GLIS3: variants seen among roughly 807,000 people sequenced by gnomAD.
The protein encoded by GLIS3 is zinc finger protein GLIS3.
GLIS3 carries 53 observed loss-of-function variants against 78.6 expected under a neutral mutation model. The observed-to-expected ratio is 0.67, with a 90% CI of 0.54 to 0.85. GLIS3 has a LOEUF of 0.85. GLIS3 is among the 40% of genes least tolerant of loss of function. The pLI is 0.00. For synonymous variants in GLIS3, 684 were observed against 509.9 expected, an observed-to-expected ratio of 1.34 and a Z score of -4.60; for missense variants, 1,703 against 1,231.1, an observed-to-expected ratio of 1.38 and a Z score of -5.74.
At chr9:3,938,179 G>A (rs528298196) in intron 4 of GLIS3, among the ~76,000 whole-genome samples, 25 of 152,298 alleles carry the variant, frequency 1.6e-4, no homozygotes, top group African/African-American at 5.8e-4. Flanking sequence ...GAATAGTTAT[G>A]TTACTTAGAC....
At chr9:4,034,463 T>C (rs1043276847) in intron 4 of GLIS3, 4 of 152,190 alleles carry the variant, frequency 2.6e-5, no homozygotes, top group Non-Finnish European at 1.5e-5. Context: ...AAGGAGAGAA[T>C]TTCCCAGTAA....
intron 4 of GLIS3, among the ~76,000 whole-genome samples, chr9:4,077,426 G>C (rs539126854): frequency 6.6e-6 from 1 of 152,158 alleles, no homozygotes; most frequent in Non-Finnish European, 1.5e-5. Context: ...GAGAGGGACT[G>C]GGCATAGTTG....
At chr9:4,349,560 A>G (rs1817937100), upstream of GLIS3, among the ~76,000 whole-genome samples, 1 of 152,174 alleles carries the variant, frequency 6.6e-6, no homozygotes, top group Admixed American at 6.5e-5. Context: ...AAAGGAAAAA[A>G]ATACCTAACA....
intron 4 of GLIS3, among the ~76,000 whole-genome samples, chr9:4,108,133 G>T (rs1266784537): frequency 2.0e-5 from 3 of 152,194 alleles, no homozygotes; most frequent in African/African-American, 7.2e-5. Context: ...GAGAATTAAA[G>T]TAATATAGTA....
intron 2 of GLIS3, among the ~76,000 whole-genome samples, chr9:4,135,353 C>CTAATT (rs1833327255): frequency 6.6e-6 from 1 of 152,128 alleles, no homozygotes; most frequent in South Asian, 2.1e-4. Context: ...GTAATGAACT[C>CTAATT]TAACAGGTGA....
At chr9:4,475,156 G>A in the GLIS3 span, among the ~76,000 whole-genome samples, 1 of 151,940 alleles carries the variant, frequency 6.6e-6, no homozygotes, top group South Asian at 2.1e-4. Flanking sequence ...ACCGCACCTG[G>A]CCAAAATTTT....
chr9:4,047,429 T>C (rs1472847756), intron 4 of GLIS3, among the ~76,000 whole-genome samples: 1 of 152,186 alleles, frequency 6.6e-6, no homozygotes, highest in Non-Finnish European at 1.5e-5. Context: ...TTTATTTTTA[T>C]ATTACTTTTT....
chr9:4,425,873 TTCTGAC>T, the GLIS3 span, among the ~76,000 whole-genome samples: 1 of 152,146 alleles, frequency 6.6e-6, no homozygotes, highest in Admixed American at 6.5e-5. Context: ...AAACTCTCAG[TTCTGAC>T]TTTTGCACAA....
rs147336073 is a variant in GLIS3, at chr9:3,889,347, G to A, written c.2128+9344C>T. On this transcript the variant is annotated intron_variant, in intron 7 of 10. Transcript: ENST00000381971. ...CACTACTTTTGGGGTTCCATAGAGT[G>A]CCCTGGGAGACCTATGAGTATTGGA... is the stretch of plus-strand genomic sequence containing the variant. Among the ~76,000 whole-genome samples the A allele has an allele frequency of 5.2e-4, 79 of 152,280 alleles. 1 individual carries two copies. In the East Asian group the frequency reaches 0.014, roughly 28 times the overall value.
intron 4 of GLIS3, among the ~76,000 whole-genome samples, chr9:4,036,720 A>G (rs936270160): frequency 6.6e-6 from 1 of 152,142 alleles, no homozygotes; most frequent in African/African-American, 2.4e-5. Context: ...TCCCAAATTA[A>G]TTCCCACCAT....
At chr9:4,431,388 G>C in the GLIS3 span, among the ~76,000 whole-genome samples, 1 of 152,204 alleles carries the variant, frequency 6.6e-6, no homozygotes, top group Non-Finnish European at 1.5e-5. Flanking sequence ...TGTATTAACA[G>C]AATAAAAACT....
intron 4 of GLIS3, among the ~76,000 whole-genome samples, chr9:4,005,697 T>C (rs1043601669): frequency 6.6e-6 from 1 of 152,170 alleles, no homozygotes; most frequent in East Asian, 1.9e-4. Flanking sequence ...ATATCAAACA[T>C]TGTAATAGCA....
At chr9:3,881,893 G>T (rs1440932692) in intron 7 of GLIS3, among the ~76,000 whole-genome samples, 1 of 152,228 alleles carries the variant, frequency 6.6e-6, no homozygotes, top group East Asian at 1.9e-4. Context: ...CTCATTTGTG[G>T]CCCCACAATG....
intron 8 of GLIS3, among the ~76,000 whole-genome samples, chr9:3,859,282 G>A (rs1414642466): frequency 6.6e-6 from 1 of 151,428 alleles, no homozygotes; most frequent in East Asian, 1.9e-4. Context: ...ATTGTTGGAG[G>A]CAGGATGGGG....
the GLIS3 span, among the ~76,000 whole-genome samples, chr9:4,407,864 AT>A: frequency 1.3e-5 from 2 of 152,188 alleles, no homozygotes; most frequent in Non-Finnish European, 2.9e-5. Flanking sequence ...AACACTACCC[AT>A]TTGACAAAGT....
chr9:3,992,318 A>C (rs1563927808), intron 4 of GLIS3, among the ~76,000 whole-genome samples: 1 of 152,192 alleles, frequency 6.6e-6, no homozygotes, highest in African/African-American at 2.4e-5. Context: ...AAAACTAAAG[A>C]AAGCAAATAA....
At chr9:4,002,919 A>C (rs1821229381) in intron 4 of GLIS3, among the ~76,000 whole-genome samples, 1 of 152,236 alleles carries the variant, frequency 6.6e-6, no homozygotes, top group Non-Finnish European at 1.5e-5. Flanking sequence ...CAAGAGATCC[A>C]CAACGACATG....
In GLIS3 at chr9:3,987,551, A is replaced by C. The variant is rs968194346; in HGVS notation, c.1711-50362T>G. Among the ~76,000 whole-genome samples, 5 of 151,550 alleles carry C rather than the reference A, an allele frequency of 3.3e-5. No homozygotes were observed. The East Asian group carries it at 9.7e-4, about 29-fold the overall frequency. On this transcript the variant is annotated intron_variant, in intron 4 of 10. Transcript: ENST00000381971. ...ACCCTGTCTCTACTAAAAATGCAAAAATTAGCTGGGCGTTGTGGTGGGCGC... is the reference window on the plus strand; with the variant it reads ...ACCCTGTCTCTACTAAAAATGCAAACATTAGCTGGGCGTTGTGGTGGGCGC...
chr9:4,251,094 T>G (rs548408589), intron 2 of GLIS3, among the ~76,000 whole-genome samples: 1 of 152,306 alleles, frequency 6.6e-6, no homozygotes, highest in South Asian at 2.1e-4. Flanking sequence ...TGATTTGAGG[T>G]GGAGAGTTCT....
Sources: gnomAD v4.1 joint callset for allele counts (sites outside exome capture counted in the v4.1 genomes callset) on GRCh38, gnomAD v4.1.1 for gene constraint, MANE v1.5 for transcripts, NCBI Gene and HGNC (gene_info 2026-07-23, HGNC 2026-07-21) for gene names.